Variants in PACRG observed in about 807,000 individuals in gnomAD.
The protein encoded by PACRG is parkin coregulated gene protein.
PACRG carries 29 observed loss-of-function variants against 29.7 expected under a neutral mutation model. The observed-to-expected ratio is 0.98, with a 90% CI of 0.73 to 1.33. PACRG has a LOEUF of 1.33. Ranked by LOEUF, PACRG falls within the 40% of genes most tolerant of loss-of-function variation. The probability of loss-of-function intolerance (pLI) is 0.00; values close to 1 mark genes in which losing one functional copy is unlikely to be tolerated. For missense variants in PACRG, 279 were observed against 316.2 expected (o/e 0.88, Z 0.89); for synonymous variants, 116 against 118.7 (o/e 0.98, Z 0.15).
intron 4 of PACRG, among the ~76,000 whole-genome samples, chr6:163,149,795 C>G (rs1778000279): frequency 6.6e-6 from 1 of 152,186 alleles, no homozygotes; most frequent in Non-Finnish European, 1.5e-5. Flanking sequence ...GCAGGCCTCC[C>G]TGCCAGCAGC....
chr6:163,177,923 G>A (rs1779465270), intron 4 of PACRG, among the ~76,000 whole-genome samples: 1 of 151,780 alleles, frequency 6.6e-6, no homozygotes, highest in Non-Finnish European at 1.5e-5. Flanking sequence ...TTCCCTGCTG[G>A]ACCATTTGTT....
intron 2 of PACRG, among the ~76,000 whole-genome samples, chr6:163,041,198 G>A (rs915306804): frequency 5.9e-5 from 9 of 152,042 alleles, no homozygotes; most frequent in South Asian, 2.1e-4. Flanking sequence ...TTAGCTGGGC[G>A]TGGTGGCGGG....
chr6:162,819,279 C>T (rs1296007035), intron 2 of PACRG, among the ~76,000 whole-genome samples: 1 of 152,090 alleles, frequency 6.6e-6, no homozygotes. Flanking sequence ...GGCAAATTTC[C>T]CCTTAGGTTA....
At chr6:162,913,277 G>A (rs1796441910) in intron 2 of PACRG, among the ~76,000 whole-genome samples, 1 of 152,192 alleles carries the variant, frequency 6.6e-6, no homozygotes, top group South Asian at 2.1e-4. Flanking sequence ...CACTGACCTA[G>A]CTTTCTACAT....
intron 3 of PACRG, among the ~76,000 whole-genome samples, chr6:163,079,860 TCAAC>T (rs1385117495): frequency 6.8e-6 from 1 of 147,000 alleles, no homozygotes; most frequent in East Asian, 2.1e-4. Context: ...ACACCTTTTC[TCAAC>T]CAGAAGAAGA....
At chr6:162,972,623 C>T (rs1801627787) in intron 2 of PACRG, among the ~76,000 whole-genome samples, 2 of 152,174 alleles carry the variant, frequency 1.3e-5, no homozygotes, top group Non-Finnish European at 2.9e-5. Context: ...TCCCTCATCC[C>T]CCAGTTCCAC....
intron 4 of PACRG, among the ~76,000 whole-genome samples, chr6:163,145,732 A>G (rs74940612): frequency 0.11 from 17,229 of 152,244 alleles, 1,172 homozygotes; most frequent in Middle Eastern, 0.2. Flanking sequence ...GATGACGGGC[A>G]TGGAAGTTTT....
At chr6:162,736,634 C>A (rs1584181574) in intron 1 of PACRG, among the ~76,000 whole-genome samples, 1 of 147,686 alleles carries the variant, frequency 6.8e-6, no homozygotes. Flanking sequence ...CTGTGGTTTT[C>A]AATCTTATTT....
chr6:162,728,170 C>G lies in PACRG; in HGVS notation c.-66C>G. 1 of 1,562,054 alleles carries G rather than the reference C, an allele frequency of 6.4e-7. No homozygotes were observed. Among genetic ancestry groups the G allele is most frequent in the South Asian group, 1.2e-5 (1 of 86,326 alleles). On this transcript the variant is annotated 5_prime_UTR_variant, in exon 1 of 5. Transcript: ENST00000366888. ...GATATTTTTTTCCAGACCTCCTGCTCACATCCGTAAAGCCCACTGATTCTT... is the reference window on the plus strand; with the variant it reads ...GATATTTTTTTCCAGACCTCCTGCTGACATCCGTAAAGCCCACTGATTCTT...
intron 2 of PACRG, among the ~76,000 whole-genome samples, chr6:163,017,075 G>C (rs1027716457): frequency 3.3e-5 from 5 of 152,040 alleles, no homozygotes; most frequent in Non-Finnish European, 7.4e-5. Context: ...TTCTTTCTTT[G>C]AATGGCTACT....
chr6:162,755,492 G>T (rs1419764271), intron 1 of PACRG, among the ~76,000 whole-genome samples: 2 of 151,986 alleles, frequency 1.3e-5, no homozygotes, highest in Non-Finnish European at 2.9e-5. Flanking sequence ...TTGGAGTGCA[G>T]TGGTGCAATC....
intron 4 of PACRG, among the ~76,000 whole-genome samples, chr6:163,129,889 A>T (rs1562931398): frequency 6.6e-6 from 1 of 152,236 alleles, no homozygotes; most frequent in Non-Finnish European, 1.5e-5. Flanking sequence ...GGCAAATTAT[A>T]AGAGCTTATT....
chr6:163,303,963 C>CCA (rs1451593107), intron 4 of PACRG, among the ~76,000 whole-genome samples: 2 of 140,272 alleles, frequency 1.4e-5, no homozygotes, highest in Non-Finnish European at 3.0e-5. Context: ...TTGCAGCGAG[C>CCA]CGAGATTGAG....
intron 2 of PACRG, among the ~76,000 whole-genome samples, chr6:163,012,550 G>C (rs1805709631): frequency 6.6e-6 from 1 of 152,226 alleles, no homozygotes; most frequent in Admixed American, 6.5e-5. Context: ...CTGCTGTGAC[G>C]CATAGCCCTG....
intron 3 of PACRG, 46 bp downstream of exon 3, chr6:163,062,367 C>T (rs1180932648): frequency 1.3e-6 from 2 of 1,536,584 alleles, no homozygotes; most frequent in South Asian, 1.3e-5. Context: ...TACGGTGTTG[C>T]TTTTTGACAA....
chr6:163,236,713 G>A (rs1164924679), intron 4 of PACRG, among the ~76,000 whole-genome samples: 1 of 152,184 alleles, frequency 6.6e-6, no homozygotes, highest in Non-Finnish European at 1.5e-5. Flanking sequence ...GTGGGGCATT[G>A]AATGGTTGAT....
chr6:163,047,351 A>G (rs1809502767), intron 2 of PACRG, among the ~76,000 whole-genome samples: 1 of 152,162 alleles, frequency 6.6e-6, no homozygotes, highest in African/African-American at 2.4e-5. Context: ...TTCAATATGT[A>G]TTTTACTCCT....
chr6:163,177,064 G>T (rs1023361300), intron 4 of PACRG, among the ~76,000 whole-genome samples: 2 of 152,182 alleles, frequency 1.3e-5, no homozygotes, highest in Non-Finnish European at 2.9e-5. Flanking sequence ...CCGGGACAAA[G>T]AGCAAGAGGC....
intron 2 of PACRG, among the ~76,000 whole-genome samples, chr6:162,909,091 C>T (rs145182529): frequency 6.6e-6 from 1 of 152,322 alleles, no homozygotes; most frequent in African/African-American, 2.4e-5. Flanking sequence ...TCTCATCTCC[C>T]ATCACTGCTG....
Sources: allele counts gnomAD v4.1 joint callset (sites outside exome capture counted in the v4.1 genomes callset), GRCh38; gene constraint gnomAD v4.1.1; transcripts MANE v1.5; gene names NCBI Gene and HGNC (gene_info 2026-07-23, HGNC 2026-07-21).